MAF: variants seen among roughly 807,000 people sequenced by gnomAD.
MAF encodes MAF bZIP transcription factor.
A neutral mutation model predicts 22.0 loss-of-function variants in MAF; 10 were observed. That is an observed-to-expected ratio of 0.45 (90% CI 0.28 to 0.77). The LOEUF is 0.77. MAF is among the 30% of genes least tolerant of loss of function. The pLI, the probability that MAF is intolerant of heterozygous loss-of-function variation, is 0.12. For missense variants in MAF, 544 were observed against 548.4 expected, an observed-to-expected ratio of 0.99 and a Z score of 0.08; for synonymous variants, 337 against 255.8, an observed-to-expected ratio of 1.32 and a Z score of -3.03.
chr16:79,499,343 G>T, the MAF span, among the ~76,000 whole-genome samples: 2 of 152,162 alleles, frequency 1.3e-5, no homozygotes, highest in African/African-American at 2.4e-5. Flanking sequence ...ATGGCAAGGT[G>T]TCAGGAGTGA....
chr16:79,245,090 G>A, the MAF span, among the ~76,000 whole-genome samples: 2 of 151,936 alleles, frequency 1.3e-5, no homozygotes, highest in African/African-American at 4.8e-5. Flanking sequence ...AGACTTAAAT[G>A]TAAGACCTAA....
At chr16:79,318,459 G>A in the MAF span, among the ~76,000 whole-genome samples, 8 of 152,248 alleles carry the variant, frequency 5.3e-5, no homozygotes, top group African/African-American at 1.9e-4. Flanking sequence ...ATGCAAACAT[G>A]TGACAGCCAC....
the MAF span, chr16:79,211,655 G>A: frequency 1.9e-6 from 3 of 1,614,210 alleles, no homozygotes; most frequent in South Asian, 1.1e-5. Flanking sequence ...TCCCAGAACT[G>A]GAGGGTCTGG....
chr16:79,417,949 A>G, the MAF span, among the ~76,000 whole-genome samples: 2 of 152,082 alleles, frequency 1.3e-5, no homozygotes, highest in Non-Finnish European at 2.9e-5. Context: ...TTCACCCCGG[A>G]GAGTTTCCCC....
the MAF span, among the ~76,000 whole-genome samples, chr16:79,208,858 A>G: frequency 1.3e-5 from 2 of 152,194 alleles, no homozygotes; most frequent in African/African-American, 4.8e-5. Flanking sequence ...CCAAGAGACC[A>G]AAGGTGTGGT....
At chr16:79,563,736 A>AAC in the MAF span, among the ~76,000 whole-genome samples, 14,732 of 144,192 alleles carry the variant, frequency 0.1, 819 homozygotes, top group African/African-American at 0.16. Flanking sequence ...TTAGCTAGCA[A>AAC]ACACACACAC....
chr16:79,291,884 T>C, the MAF span, among the ~76,000 whole-genome samples: 213 of 150,528 alleles, frequency 1.4e-3, 2 homozygotes, highest in Non-Finnish European at 3.4e-4. Context: ...TCACCTTGCA[T>C]AGAGAATTGC....
the MAF span, among the ~76,000 whole-genome samples, chr16:79,522,059 A>G: frequency 6.6e-6 from 1 of 152,218 alleles, no homozygotes; most frequent in African/African-American, 2.4e-5. Flanking sequence ...TAGCAAGCAC[A>G]CAGGCGGAGA....
the MAF span, among the ~76,000 whole-genome samples, chr16:79,417,679 G>T: frequency 6.6e-6 from 1 of 152,150 alleles, no homozygotes; most frequent in Admixed American, 6.5e-5. Flanking sequence ...ACGGTCCTCC[G>T]TCCCCTCCCC....
the MAF span, among the ~76,000 whole-genome samples, chr16:79,217,557 G>C: frequency 2.0e-5 from 3 of 152,164 alleles, no homozygotes; most frequent in Non-Finnish European, 2.9e-5. Flanking sequence ...TGTTCTGACT[G>C]TAAGTTGGTC....
the MAF span, among the ~76,000 whole-genome samples, chr16:79,349,623 C>T: frequency 6.6e-6 from 1 of 152,192 alleles, no homozygotes; most frequent in South Asian, 2.1e-4. Flanking sequence ...AGGATAGCTG[C>T]TGTCTGTGCA....
the MAF span, among the ~76,000 whole-genome samples, chr16:79,538,986 T>C: frequency 6.6e-6 from 1 of 151,676 alleles, no homozygotes; most frequent in African/African-American, 2.4e-5. Flanking sequence ...AGACAATTCA[T>C]GGAAGGAGGA....
chr16:79,311,018 A>ATTT, the MAF span, among the ~76,000 whole-genome samples: 3 of 133,664 alleles, frequency 2.2e-5, no homozygotes, highest in South Asian at 7.0e-4. Context: ...CTGCTTTTTC[A>ATTT]TTTTTTTTTT....
At chr16:79,486,229 T>A in the MAF span, among the ~76,000 whole-genome samples, 1 of 152,310 alleles carries the variant, frequency 6.6e-6, no homozygotes, top group Non-Finnish European at 1.5e-5. Context: ...AAGAGAAGCA[T>A]TTCTGGTTCC....
chr16:79,471,264 A>G, the MAF span, among the ~76,000 whole-genome samples: 18 of 152,224 alleles, frequency 1.2e-4, no homozygotes, highest in Non-Finnish European at 2.2e-4. Context: ...CTTATCTTAC[A>G]GATACAAAAC....
chr16:79,346,066 T>A, the MAF span, among the ~76,000 whole-genome samples: 1 of 152,150 alleles, frequency 6.6e-6, no homozygotes, highest in Non-Finnish European at 1.5e-5. Flanking sequence ...CTAGGGTACA[T>A]GTGTACAATG....
the MAF span, chr16:79,205,900 G>C: frequency 6.6e-6 from 1 of 152,138 alleles, no homozygotes; most frequent in Admixed American, 6.5e-5. Context: ...TAAGATGGGG[G>C]TTGTGTCCAC....
At chr16:79,394,143 C>A in the MAF span, among the ~76,000 whole-genome samples, 49 of 152,272 alleles carry the variant, frequency 3.2e-4, 1 homozygote, top group Admixed American at 6.5e-4. Flanking sequence ...CAAAATAAAT[C>A]AAAAGTCCAG....
chr16:79,563,506 C>CA, the MAF span, among the ~76,000 whole-genome samples: 41,921 of 138,354 alleles, frequency 0.3, 6,988 homozygotes, highest in Non-Finnish European at 0.41. Context: ...GACTTGGCAC[C>CA]AAAAAAAAAA....
Sources: gnomAD v4.1 joint callset for allele counts (sites outside exome capture counted in the v4.1 genomes callset) on GRCh38, gnomAD v4.1.1 for gene constraint, MANE v1.5 for transcripts, NCBI Gene and HGNC (gene_info 2026-07-23, HGNC 2026-07-21) for gene names.